The following PCDHGA4 variants were observed in gnomAD, a reference collection of about 807,000 sequenced individuals.
PCDHGA4 encodes protocadherin gamma-A4.
Under a neutral mutation model 54.6 loss-of-function variants are expected in PCDHGA4, and 38 were observed. That is an observed-to-expected ratio of 0.70 (90% CI 0.54 to 0.91). The LOEUF (loss-of-function observed/expected upper bound fraction) is 0.91. Ranked by LOEUF, PCDHGA4 falls within the 40% of genes least tolerant of loss-of-function variation. The pLI is 0.00. For synonymous variants in PCDHGA4, 511 were observed against 512.9 expected, an observed-to-expected ratio of 1.00 and a Z score of 0.05; for missense variants, 1,298 against 1,220.9, an observed-to-expected ratio of 1.06 and a Z score of -0.94.
In PCDHGA4 at chr5:141,486,959, G is replaced by A. The variant is rs1161675143; in HGVS notation, c.2515-7848G>A. The A allele has an allele frequency of 1.9e-6, 3 of 1,614,098 alleles. No individual in the cohort carries two copies. In the African/African-American group the frequency reaches 4.0e-5, roughly 22 times the overall value. On this transcript the variant is annotated intron_variant, in intron 1 of 3. Transcript: ENST00000571252. The surrounding 1 kb of genome is among the most constrained non-coding windows in gnomAD (Gnocchi z 5.0). ...CCACCTAATCACAAAGGTGACTGCTGTGGACTTGGATTCAGGTTACAATGC... is the reference window on the plus strand; with the variant it reads ...CCACCTAATCACAAAGGTGACTGCTATGGACTTGGATTCAGGTTACAATGC...
intron 1 of PCDHGA4, chr5:141,394,518 A>C (rs1256235757): frequency 6.2e-7 from 1 of 1,614,094 alleles, no homozygotes; most frequent in Non-Finnish European, 8.5e-7. Flanking sequence ...CGCCCTCCCC[A>C]CAGACGGTTC....
chr5:141,478,336 C>T, intron 1 of PCDHGA4: 2 of 1,613,950 alleles, frequency 1.2e-6, no homozygotes, highest in South Asian at 2.2e-5. Context: ...CACCAGGGCC[C>T]TCCTTGCACG....
At chr5:141,501,116 C>T (rs1325487254) in intron 2 of PCDHGA4, among the ~76,000 whole-genome samples, 1 of 152,154 alleles carries the variant, frequency 6.6e-6, no homozygotes, top group Non-Finnish European at 1.5e-5. Flanking sequence ...ATCCGCCTGC[C>T]TCAGCCTCCC....
Position 141,432,812 on chromosome 5 carries a change from G to A in PCDHGA4, c.2515-61995G>A, listed in dbSNP as rs753429933. ...CAGCCTCGAGTCTCCAGCTAACTCT[G>A]AAACCTCAGACCTCACTCTGTACCT... On this transcript the variant is annotated intron_variant, in intron 1 of 3. Coordinates refer to ENST00000571252, the MANE Select transcript of PCDHGA4 (RefSeq NM_018917.4). This position sits in a 1 kb window ranked among gnomAD's most constrained non-coding sequence, Gnocchi z 6.0. 1.2e-6 allele frequency: 2 copies of A among 1,614,176 alleles called. No homozygotes were observed. Among genetic ancestry groups the A allele is most frequent in the Non-Finnish European group, 1.7e-6 (2 of 1,180,014 alleles).
At chr5:141,438,610 A>G (rs2098013566) in intron 1 of PCDHGA4, among the ~76,000 whole-genome samples, 1 of 30,060 alleles carries the variant, frequency 3.3e-5, no homozygotes, top group African/African-American at 2.4e-4. Flanking sequence ...ATATATATAT[A>G]TATATATATA....
At position 141,511,373 on chromosome 5, in the gene PCDHGA4, G is replaced by C. The variant is rs1361376059; in HGVS notation, c.*200G>C. 16 of 1,251,214 alleles carry C rather than the reference G, an allele frequency of 1.3e-5. No homozygotes were observed. Among genetic ancestry groups the C allele is most frequent in the Non-Finnish European group, 1.4e-5 (13 of 925,282 alleles). The allele number at this position is 1,251,214 out of a possible 1,614,324, so 77.5% of individuals were successfully genotyped here. A position where few individuals can be genotyped will look rare whatever the true frequency, so the allele number is the denominator to read the frequency against. ...CCCCCAGGGGGTTGAATATGCAAAAGCAGTTCCGCTGGGAACCCCCATCCA... is the reference window on the plus strand; with the variant it reads ...CCCCCAGGGGGTTGAATATGCAAAACCAGTTCCGCTGGGAACCCCCATCCA... On this transcript the variant is annotated 3_prime_UTR_variant, in exon 4 of 4. Transcript: ENST00000571252.
Position 141,477,032 on chromosome 5 carries a change from A to G in PCDHGA4, c.2515-17775A>G, listed in dbSNP as rs1026169829. 2 of 1,614,134 alleles carry G rather than the reference A, an allele frequency of 1.2e-6. No homozygotes were observed. Among genetic ancestry groups the G allele is most frequent in the Non-Finnish European group, 1.7e-6 (2 of 1,180,044 alleles). ...AGACCTTGTAACCGGGATGCTGACA[A>G]TCAAGGGTCGGCTGGACTTCGAGGA... On this transcript the variant is annotated intron_variant, in intron 1 of 3. Transcript: ENST00000571252. This position sits in a 1 kb window ranked among gnomAD's most constrained non-coding sequence, Gnocchi z 4.9.
chr5:141,374,856 G>A, intron 1 of PCDHGA4: 1 of 1,613,686 alleles, frequency 6.2e-7, no homozygotes, highest in South Asian at 1.1e-5. Flanking sequence ...CTGCCAGTAG[G>A]CACACCAGTG....
At chr5:141,470,078 G>C (rs542998375) in intron 1 of PCDHGA4, among the ~76,000 whole-genome samples, 21 of 152,182 alleles carry the variant, frequency 1.4e-4, no homozygotes, top group Non-Finnish European at 2.9e-4. Context: ...GTAGTGATCT[G>C]AGATCATGCC....
At chr5:141,372,209 C>T (rs1768496951) in intron 1 of PCDHGA4, 2 of 1,613,638 alleles carry the variant, frequency 1.2e-6, no homozygotes, top group Non-Finnish European at 1.7e-6. Context: ...CCTGGCTGTC[C>T]TACCACATTG....
chr5:141,397,992 C>T (rs1449951628), intron 1 of PCDHGA4: 3 of 1,349,734 alleles, frequency 2.2e-6, no homozygotes, highest in Non-Finnish European at 3.0e-6. Context: ...ACACCGCTTC[C>T]TCCTCGGAAA....
At chr5:141,359,313 G>A (rs766981687) in intron 1 of PCDHGA4, among the ~76,000 whole-genome samples, 9 of 152,032 alleles carry the variant, frequency 5.9e-5, no homozygotes, top group Admixed American at 5.2e-4. Flanking sequence ...TCAGGTGTTG[G>A]CATTAGGAAT....
rs1467125550 is a variant in PCDHGA4 at position 141,511,799 on chromosome 5, T to G, written c.*626T>G. 6.4e-6 allele frequency: 1 copy of G among 157,228 alleles called. No homozygotes were observed. The highest frequency in any genetic ancestry group is 1.4e-5 in the Non-Finnish European group (1 of 70,874). 9.7% of individuals were successfully genotyped at this position (157,228 alleles called of 1,614,324 possible). ...TGCTTGCTGGATTTAGGGAGGGCAT[T>G]TTGCTACCAAGCCTCTTCCCAACGC... On this transcript the variant is annotated 3_prime_UTR_variant, in exon 4 of 4. Coordinates refer to ENST00000571252, the MANE Select transcript of PCDHGA4 (RefSeq NM_018917.4).
In PCDHGA4 at chr5:141,389,412, G is replaced by A. The variant is rs1039259671; in HGVS notation, c.2514+31791G>A. 5 of 1,613,588 alleles carry A rather than the reference G, an allele frequency of 3.1e-6. No individual in the cohort carries two copies. Among genetic ancestry groups the A allele is most frequent in the Admixed American group, 3.3e-5 (2 of 60,038 alleles). On this transcript the variant is annotated intron_variant, in intron 1 of 3. Transcript: ENST00000571252. ...CTACGTGTCCATAAGCGCGGAGAGC[G>A]GGGTGGTGTTCGCGCAGCGCGCCTT...
rs770235234 is a variant in PCDHGA4 at position 141,422,145 on chromosome 5, G to T, written c.2514+64524G>T. On this transcript the variant is annotated intron_variant, in intron 1 of 3. Coordinates refer to ENST00000571252, the MANE Select transcript of PCDHGA4 (RefSeq NM_018917.4). Reference sequence around the variant, plus strand: ...AAACTGGAGAAGTTCAAGTACGGGGGTCTCTGGATTTTGAAAAATATAGAT... The same window carrying T: ...AAACTGGAGAAGTTCAAGTACGGGGTTCTCTGGATTTTGAAAAATATAGAT... The T allele has an allele frequency of 8.2e-6, 13 of 1,580,608 alleles. No individual in the cohort carries two copies. The African/African-American group carries it at 1.5e-4, about 18-fold the overall frequency.
chr5:141,421,695 T>C (rs374319762), intron 1 of PCDHGA4: 15 of 1,613,840 alleles, frequency 9.3e-6, no homozygotes, highest in Non-Finnish European at 1.2e-5. Context: ...TTGCTCTTCC[T>C]AATGCTAGGG....
In PCDHGA4 at chr5:141,476,012, T is replaced by C. The variant is rs2099383969; in HGVS notation, c.2515-18795T>C. The stretch of plus-strand genomic sequence containing the variant: ...CAAATCAACGGCATCCAGAAAGCCA[T>C]GTCGGACTCGGCGCCCAGCGCCCAA... On this transcript the variant is annotated intron_variant, in intron 1 of 3. Coordinates refer to ENST00000571252, the MANE Select transcript of PCDHGA4 (RefSeq NM_018917.4). This position sits in a 1 kb window ranked among gnomAD's most constrained non-coding sequence, Gnocchi z 7.6. 7.6e-7 allele frequency: 1 copy of C among 1,317,178 alleles called. No individual in the cohort carries two copies. The highest frequency in any genetic ancestry group is 1.4e-5 in the South Asian group (1 of 69,696). The allele number at this position is 1,317,178 out of a possible 1,614,324, so 81.6% of individuals were successfully genotyped here. A position where few individuals can be genotyped will look rare whatever the true frequency, so the allele number is the denominator to read the frequency against.
chr5:141,427,126 C>T (rs1216633922), intron 1 of PCDHGA4: 1 of 457,282 alleles, frequency 2.2e-6, no homozygotes, highest in Non-Finnish European at 4.4e-6. Context: ...TCTTTCAAAT[C>T]CCTACGAGAT....
chr5:141,440,464 G>A (rs2003094), intron 1 of PCDHGA4: 3,293 of 152,144 alleles, frequency 0.022, 52 homozygotes, highest in South Asian at 0.038. Context: ...ATGAACAAAC[G>A]GTAGTTGAAA....
Sources: gnomAD v4.1 joint callset for allele counts (sites outside exome capture counted in the v4.1 genomes callset) on GRCh38, gnomAD v4.1.1 for gene constraint, Gnocchi (gnomAD v3.1) non-coding constraint, MANE v1.5 for transcripts, NCBI Gene and HGNC (gene_info 2026-07-23, HGNC 2026-07-21) for gene names.